Variants in SENP1 observed in about 807,000 individuals in gnomAD.
The protein encoded by SENP1 is sentrin-specific protease 1.
Under a neutral mutation model 93.0 loss-of-function variants are expected in SENP1, and 21 were observed. The observed-to-expected ratio is 0.23, with a 90% CI of 0.16 to 0.33. The LOEUF is 0.33. Ranked by LOEUF, SENP1 falls within the 10% of genes least tolerant of loss-of-function variation. The probability of loss-of-function intolerance (pLI) is 1.00; values close to 1 mark genes in which losing one functional copy is unlikely to be tolerated. For synonymous variants in SENP1, 256 were observed against 259.6 expected, an observed-to-expected ratio of 0.99 and a Z score of 0.13; for missense variants, 591 against 758.7, an observed-to-expected ratio of 0.78 and a Z score of 2.60.
chr12:48,056,530 TA>T (rs1407343272), intron 13 of SENP1, among the ~76,000 whole-genome samples: 212 of 65,774 alleles, frequency 3.2e-3, no homozygotes, highest in East Asian at 4.7e-3. Context: ...ATATTACATA[TA>T]TAAATATATT....
chr12:48,089,392 G>T, intron 4 of SENP1: 2 of 1,180,508 alleles, frequency 1.7e-6, no homozygotes, highest in Non-Finnish European at 2.2e-6. Context: ...AGCAGCTAGT[G>T]TCACTTTCTT....
At chr12:48,060,793 T>C (rs1942907441) in intron 13 of SENP1, among the ~76,000 whole-genome samples, 3 of 152,194 alleles carry the variant, frequency 2.0e-5, no homozygotes, top group Admixed American at 2.0e-4. Context: ...CTTAATTAGA[T>C]ATTTCTATTA....
At chr12:48,076,368 A>C (rs933853020) in intron 6 of SENP1, among the ~76,000 whole-genome samples, 11 of 152,142 alleles carry the variant, frequency 7.2e-5, no homozygotes, top group Non-Finnish European at 2.9e-5. Context: ...TGACCAGCCC[A>C]GGCTGGAGTG....
At chr12:48,052,133 A>G (rs1457557097) in intron 13 of SENP1, among the ~76,000 whole-genome samples, 6 of 152,200 alleles carry the variant, frequency 3.9e-5, no homozygotes. Flanking sequence ...GAAGCTGAAA[A>G]AAGCTTTTCT....
At chr12:48,072,188 T>C (rs1451488765) in intron 8 of SENP1, among the ~76,000 whole-genome samples, 3 of 152,220 alleles carry the variant, frequency 2.0e-5, no homozygotes, top group South Asian at 2.1e-4. Context: ...CCAAGTAATG[T>C]GATAAAAATC....
intron 10 of SENP1, 112 bp downstream of exon 10, chr12:48,066,815 A>G: frequency 1.2e-6 from 1 of 857,294 alleles, no homozygotes. Context: ...CCCAGCCTAA[A>G]CAGGTACTTC....
chr12:48,092,437 T>C (rs991627618), intron 4 of SENP1, among the ~76,000 whole-genome samples: 1 of 152,140 alleles, frequency 6.6e-6, no homozygotes, highest in Non-Finnish European at 1.5e-5. Flanking sequence ...GACTTCATTA[T>C]AAGAAAAAAA....
chr12:48,068,560 CTG>C (rs1943449172), intron 9 of SENP1, among the ~76,000 whole-genome samples: 1 of 152,118 alleles, frequency 6.6e-6, no homozygotes. Flanking sequence ...ATTCCAAAGA[CTG>C]TGTTCTTTCG....
rs1180819487 is a variant in SENP1, at chr12:48,043,782, T to C, written c.*1540A>G. Reference sequence around the variant, plus strand: ...TTAACAATGGAATATTTAAAAAAAATAGTTTTCTTTTCAAATTGTAACTTG... The same window carrying C: ...TTAACAATGGAATATTTAAAAAAAACAGTTTTCTTTTCAAATTGTAACTTG... On this transcript the variant is annotated 3_prime_UTR_variant, in exon 18 of 18. Coordinates refer to ENST00000549518, the MANE Select transcript of SENP1 (RefSeq NM_001267594.2). The C allele has an allele frequency of 6.6e-6, 1 of 152,516 alleles. No individual in the cohort carries two copies. 9.4% of individuals were successfully genotyped at this position (152,516 alleles called of 1,614,324 possible). A position where few individuals can be genotyped will look rare whatever the true frequency, so the allele number is the denominator to read the frequency against.
chr12:48,056,059 T>G (rs1248011758), intron 13 of SENP1, among the ~76,000 whole-genome samples: 13 of 125,906 alleles, frequency 1.0e-4, no homozygotes, highest in African/African-American at 3.8e-4. Flanking sequence ...TACTGTATAC[T>G]TAATATACAG....
chr12:48,076,902 C>T (rs899957494), intron 6 of SENP1, among the ~76,000 whole-genome samples: 1 of 152,186 alleles, frequency 6.6e-6, no homozygotes. Flanking sequence ...GCCTCGGCCT[C>T]CCAAAGTGCT....
chr12:48,084,386 G>A (rs1944688671), intron 5 of SENP1, among the ~76,000 whole-genome samples: 1 of 151,216 alleles, frequency 6.6e-6, no homozygotes, highest in African/African-American at 2.4e-5. Context: ...TTGGCAAATT[G>A]GCAAGAAGAA....
At chr12:48,098,281 T>C (rs1457869365) in intron 2 of SENP1, 157 bp from the exon 3 acceptor site, 1 of 299,126 alleles carries the variant, frequency 3.3e-6, no homozygotes, top group East Asian at 1.7e-4. Context: ...AGGAGGATTT[T>C]TTTGAGGCCA....
chr12:48,084,065 A>G (rs995773575), intron 5 of SENP1, among the ~76,000 whole-genome samples: 4 of 152,240 alleles, frequency 2.6e-5, no homozygotes, highest in Non-Finnish European at 5.9e-5. Context: ...ATGACAAAGC[A>G]TAACAGATTA....
At chr12:48,091,436 C>T (rs1322831590) in intron 4 of SENP1, among the ~76,000 whole-genome samples, 3 of 148,758 alleles carry the variant, frequency 2.0e-5, no homozygotes, top group African/African-American at 5.0e-5. Context: ...GGCGACAGAG[C>T]GAGATTCTGT....
At chr12:48,054,074 G>A (rs141382292) in intron 13 of SENP1, among the ~76,000 whole-genome samples, 5 of 152,306 alleles carry the variant, frequency 3.3e-5, no homozygotes, top group Non-Finnish European at 5.9e-5. Context: ...CCTGCTTCAC[G>A]TAGGATAGGG....
rs1565747108 is a variant in SENP1, at chr12:48,057,110, ATAT to A, written c.1407+6597_1407+6599del. On this transcript the variant is annotated intron_variant, in intron 13 of 17. Coordinates refer to ENST00000549518, the MANE Select transcript of SENP1 (RefSeq NM_001267594.2). ...ATTACATATATAAATATATTATTTA[ATAT>A]ATTATATATTACATATATAAATATA... Among the ~76,000 whole-genome samples, 3 of 92,642 alleles carry A rather than the reference ATAT, an allele frequency of 3.2e-5. 1 individual carries two copies. Among genetic ancestry groups the A allele is most frequent in the African/African-American group, 1.5e-4 (3 of 19,660 alleles). The allele number at this position is 92,642 out of a possible 152,430, so 60.8% of individuals were successfully genotyped here.
chr12:48,098,975 T>G (rs981148028), intron 2 of SENP1: 3 of 152,166 alleles, frequency 2.0e-5, no homozygotes, highest in African/African-American at 7.2e-5. Flanking sequence ...TGAGGCCATC[T>G]ACCAAACAGT....
intron 15 of SENP1, 64 bp from the exon 16 acceptor site, chr12:48,047,126 GA>G (rs1340562980): frequency 1.0e-6 from 1 of 989,838 alleles, no homozygotes; most frequent in Non-Finnish European, 1.6e-6. Flanking sequence ...GCCACACTAA[GA>G]ATGGGGCTGA....
Sources: gnomAD v4.1 joint callset for allele counts (sites outside exome capture counted in the v4.1 genomes callset) on GRCh38, gnomAD v4.1.1 for gene constraint, MANE v1.5 for transcripts, NCBI Gene and HGNC (gene_info 2026-07-23, HGNC 2026-07-21) for gene names.